SAMD5: variants seen among roughly 807,000 people sequenced by gnomAD.
SAMD5 encodes sterile alpha motif domain-containing protein 5.
In SAMD5, 13 loss-of-function variants were observed where a neutral mutation model predicts 11.3. That is an observed-to-expected ratio of 1.15 (90% CI 0.75 to 1.83). The LOEUF (loss-of-function observed/expected upper bound fraction) is 1.83, where lower values mean the gene tolerates loss of function less well. SAMD5 is among the 40% of genes most tolerant of loss of function. The pLI, the probability that SAMD5 is intolerant of heterozygous loss-of-function variation, is 0.00. For missense variants in SAMD5, 255 were observed against 239.1 expected, an observed-to-expected ratio of 1.07 and a Z score of -0.44; for synonymous variants, 129 against 111.3, an observed-to-expected ratio of 1.16 and a Z score of -1.00.
chr6:147,598,334 A>T (rs1388074019), intron 1 of SAMD5, among the ~76,000 whole-genome samples: 1 of 152,048 alleles, frequency 6.6e-6, no homozygotes, highest in African/African-American at 2.4e-5. Context: ...CATGTTTCCC[A>T]GCTGGTCTCC....
chr6:147,896,601 G>A, the SAMD5 span, among the ~76,000 whole-genome samples: 7 of 151,942 alleles, frequency 4.6e-5, no homozygotes, highest in African/African-American at 7.3e-5. Flanking sequence ...GTAACAGAAA[G>A]AGCAACAGAT....
At chr6:147,899,189 A>AAAAAAAAG in the SAMD5 span, among the ~76,000 whole-genome samples, 105 of 123,426 alleles carry the variant, frequency 8.5e-4, 4 homozygotes, top group East Asian at 2.2e-3. Context: ...AAAAAAAAAA[A>AAAAAAAAG]AAAAGATAAC....
At chr6:147,721,657 T>C (rs548524752) in intron 1 of SAMD5, among the ~76,000 whole-genome samples, 228 of 152,254 alleles carry the variant, frequency 1.5e-3, no homozygotes, top group South Asian at 6.2e-3. Context: ...GTTGCCTGTT[T>C]ACTCTGATGG....
the SAMD5 span, among the ~76,000 whole-genome samples, chr6:147,753,185 A>G: frequency 2.0e-5 from 3 of 152,184 alleles, no homozygotes; most frequent in African/African-American, 4.8e-5. Context: ...CCTTTGCTGC[A>G]GCCATGATTT....
chr6:147,806,301 CAT>C, the SAMD5 span, among the ~76,000 whole-genome samples: 11 of 83,786 alleles, frequency 1.3e-4, no homozygotes, highest in Non-Finnish European at 2.4e-4. Context: ...CGAGTGTGCG[CAT>C]GCGCGCGCGC....
chr6:147,659,421 C>T lies in SAMD5; in HGVS notation c.163-77896C>T, dbSNP rs185652864. Among the ~76,000 whole-genome samples, 181 of 152,006 alleles carry T rather than the reference C, an allele frequency of 1.2e-3. 1 individual carries two copies. The highest frequency in any genetic ancestry group is 2.0e-3 in the Non-Finnish European group (135 of 67,986). Reference sequence around the variant, plus strand: ...AAAAGAATATATAATGAGAAGAGAGCAAAACAACAGGATTTGTATTGGTAT... The same window carrying T: ...AAAAGAATATATAATGAGAAGAGAGTAAAACAACAGGATTTGTATTGGTAT... On this transcript the variant is annotated intron_variant, in intron 1 of 1. Coordinates refer to the SAMD5 transcript ENST00000566741.
Position 147,508,876 on chromosome 6 carries a change from C to T in SAMD5, c.-53C>T, listed in dbSNP as rs1583061030. The T allele has an allele frequency of 1.3e-6, 2 of 1,575,898 alleles. No homozygotes were observed. Among genetic ancestry groups the T allele is most frequent in the Non-Finnish European group, 1.7e-6 (2 of 1,163,144 alleles). ...AAAAGTTCCAAGAACTGGTGCCGCC[C>T]GTGCCATTTGGGCGCTGGGAAGGTG... On this transcript the variant is annotated 5_prime_UTR_variant, in exon 1 of 2. Coordinates refer to ENST00000367474, the MANE Select transcript of SAMD5 (RefSeq NM_001030060.3).
intron 1 of SAMD5, among the ~76,000 whole-genome samples, chr6:147,697,445 G>A (rs150233185): frequency 6.6e-6 from 1 of 152,242 alleles, no homozygotes; most frequent in East Asian, 1.9e-4. Context: ...GGGTATGTAG[G>A]CTAGTAACAC....
chr6:147,558,440 A>T (rs1299383773), intron 1 of SAMD5, among the ~76,000 whole-genome samples: 2 of 152,182 alleles, frequency 1.3e-5, no homozygotes. Context: ...TCTTGATCAC[A>T]TTTTGGATGG....
At chr6:147,773,496 C>T in the SAMD5 span, among the ~76,000 whole-genome samples, 2 of 152,196 alleles carry the variant, frequency 1.3e-5, no homozygotes, top group African/African-American at 4.8e-5. Flanking sequence ...ATATTTATTT[C>T]TCACAGTTCT....
intron 1 of SAMD5, among the ~76,000 whole-genome samples, chr6:147,575,409 G>T (rs1205885264): frequency 6.6e-6 from 1 of 152,216 alleles, no homozygotes; most frequent in Non-Finnish European, 1.5e-5. Context: ...TGGTTTCTTG[G>T]CTCAAATGTG....
the SAMD5 span, among the ~76,000 whole-genome samples, chr6:147,905,623 A>T: frequency 5.9e-5 from 9 of 152,248 alleles, no homozygotes; most frequent in African/African-American, 2.2e-4. Context: ...CTTACTGATC[A>T]TATATAAAAT....
At chr6:147,730,603 A>G (rs957741480) in intron 1 of SAMD5, among the ~76,000 whole-genome samples, 4 of 152,176 alleles carry the variant, frequency 2.6e-5, no homozygotes, top group African/African-American at 9.6e-5. Flanking sequence ...CAGAAGAACA[A>G]TCTAGGAGAT....
At chr6:147,582,921 T>C (rs1192427487) in intron 1 of SAMD5, among the ~76,000 whole-genome samples, 2 of 152,168 alleles carry the variant, frequency 1.3e-5, no homozygotes, top group African/African-American at 4.8e-5. Flanking sequence ...AGTGTACAGC[T>C]CAGACGTGAC....
At chr6:147,689,432 C>A (rs1464503939) in intron 1 of SAMD5, among the ~76,000 whole-genome samples, 1 of 152,136 alleles carries the variant, frequency 6.6e-6, no homozygotes, top group Non-Finnish European at 1.5e-5. Context: ...GTATCATTAT[C>A]CTTATATGTA....
chr6:147,949,753 T>A, the SAMD5 span, among the ~76,000 whole-genome samples: 1 of 152,234 alleles, frequency 6.6e-6, no homozygotes, highest in Admixed American at 6.5e-5. Flanking sequence ...ACAACGCTCA[T>A]TTCTATATTG....
At chr6:147,730,098 GAAAAA>G (rs759763550) in intron 1 of SAMD5, 1 of 403,004 alleles carries the variant, frequency 2.5e-6, no homozygotes, top group African/African-American at 2.2e-5. Flanking sequence ...AAAAAGAAAA[GAAAAA>G]AAGAAAAGGA....
intron 1 of SAMD5, among the ~76,000 whole-genome samples, chr6:147,730,958 T>C (rs9497854): frequency 0.033 from 4,993 of 152,134 alleles, 105 homozygotes; most frequent in African/African-American, 0.053. Context: ...GGAGCAAAAA[T>C]TGTCTGTTTA....
chr6:147,885,807 C>T, the SAMD5 span, among the ~76,000 whole-genome samples: 1 of 152,198 alleles, frequency 6.6e-6, no homozygotes, highest in Admixed American at 6.5e-5. Context: ...TATACAGCAG[C>T]TGTATTTGGG....
Sources: allele counts gnomAD v4.1 joint callset (sites outside exome capture counted in the v4.1 genomes callset), GRCh38; gene constraint gnomAD v4.1.1; transcripts MANE v1.5; gene names NCBI Gene and HGNC (gene_info 2026-07-23, HGNC 2026-07-21).